PDE1C: variants seen among roughly 807,000 people sequenced by gnomAD.
The protein encoded by PDE1C is phosphodiesterase 1C.
In PDE1C, 62 loss-of-function variants were observed where a neutral mutation model predicts 93.1. That is an observed-to-expected ratio of 0.67 (90% CI 0.54 to 0.82). The LOEUF (loss-of-function observed/expected upper bound fraction) is 0.82, where lower values mean the gene tolerates loss of function less well. Among genes scored for constraint, PDE1C ranks in the 40% least tolerant of loss-of-function variants. PDE1C has a pLI of 0.00. For missense variants in PDE1C, 742 were observed against 884.6 expected, an observed-to-expected ratio of 0.84 and a Z score of 2.04; for synonymous variants, 325 against 310.1, an observed-to-expected ratio of 1.05 and a Z score of -0.50.
chr7:32,009,309 G>A (rs970150581), intron 2 of PDE1C, among the ~76,000 whole-genome samples: 1 of 152,164 alleles, frequency 6.6e-6, no homozygotes, highest in Non-Finnish European at 1.5e-5. Flanking sequence ...TGGAGTTGGG[G>A]TTCCAGGAAG....
At chr7:32,414,984 G>A (rs1269136627) in intron 1 of PDE1C, among the ~76,000 whole-genome samples, 3 of 152,136 alleles carry the variant, frequency 2.0e-5, no homozygotes, top group Non-Finnish European at 2.9e-5. Flanking sequence ...GGACACATGG[G>A]ACCTTTTTCT....
chr7:31,713,876 C>A, the PDE1C span, among the ~76,000 whole-genome samples: 1 of 152,170 alleles, frequency 6.6e-6, no homozygotes, highest in Non-Finnish European at 1.5e-5. Flanking sequence ...CTGCACACAG[C>A]AGAGGGACCC....
intron 3 of PDE1C, among the ~76,000 whole-genome samples, chr7:32,158,612 G>C (rs533256984): frequency 6.6e-6 from 1 of 152,084 alleles, no homozygotes; most frequent in Non-Finnish European, 1.5e-5. Context: ...TCCAGGCACC[G>C]CAGAACACCC....
the PDE1C span, among the ~76,000 whole-genome samples, chr7:31,728,929 C>T: frequency 2.6e-5 from 4 of 152,118 alleles, no homozygotes; most frequent in Non-Finnish European, 5.9e-5. Flanking sequence ...TATTCTGCAC[C>T]CAATGGGGCT....
the PDE1C span, among the ~76,000 whole-genome samples, chr7:31,617,158 C>A: frequency 0.43 from 64,818 of 151,938 alleles, 14,069 homozygotes; most frequent in East Asian, 0.54. Context: ...AAGCATTTGC[C>A]ATCTTTCAGG....
chr7:32,024,839 A>G (rs944472834), intron 2 of PDE1C, among the ~76,000 whole-genome samples: 1 of 152,100 alleles, frequency 6.6e-6, no homozygotes, highest in Non-Finnish European at 1.5e-5. Context: ...TCTCCTTCCC[A>G]AGGCAACTGC....
At chr7:31,792,670 A>G (rs1784719110) in intron 16 of PDE1C, among the ~76,000 whole-genome samples, 1 of 151,766 alleles carries the variant, frequency 6.6e-6, no homozygotes, top group Non-Finnish European at 1.5e-5. Context: ...TCCTCTTTTC[A>G]CTCCACATCC....
At chr7:32,159,673 A>C (rs571891899) in intron 3 of PDE1C, among the ~76,000 whole-genome samples, 56 of 152,262 alleles carry the variant, frequency 3.7e-4, no homozygotes, top group African/African-American at 1.3e-3. Context: ...AGAAAGGCAG[A>C]GGTGCAGCTT....
Position 32,125,063 on chromosome 7 carries a change from G to C in PDE1C, c.308+44722C>G, listed in dbSNP as rs145689846. 5.9e-3 allele frequency among the ~76,000 whole-genome samples: 905 copies of C among 152,194 alleles called. 8 individuals carry two copies. The highest frequency in any genetic ancestry group is 0.014 in the Middle Eastern group (4 of 294). On this transcript the variant is annotated intron_variant, in intron 3 of 18. Transcript: ENST00000396193. ...CCATCAAAAAGTGGGCAAATGATAT[G>C]AACAGACACTTTGCAAAAGAAGACA...
At chr7:31,850,842 G>T (rs1230108645) in intron 7 of PDE1C, 101 bp from the exon 8 acceptor site, 4 of 817,148 alleles carry the variant, frequency 4.9e-6, no homozygotes, top group Non-Finnish European at 8.5e-6. Flanking sequence ...CCCTGCAGCT[G>T]GTAAGCTATT....
At chr7:32,010,672 G>A (rs1786958890) in intron 2 of PDE1C, among the ~76,000 whole-genome samples, 1 of 152,202 alleles carries the variant, frequency 6.6e-6, no homozygotes, top group South Asian at 2.1e-4. Flanking sequence ...GAGGCTAGAA[G>A]TCCAAAATCA....
chr7:32,167,804 C>T (rs189098481), intron 3 of PDE1C, among the ~76,000 whole-genome samples: 44 of 152,276 alleles, frequency 2.9e-4, no homozygotes, highest in African/African-American at 1.0e-3. Flanking sequence ...TCAAAGCTAT[C>T]ATTAACCCTT....
chr7:31,724,209 TATGGTGCAAAATGGAAGGAGGTGCCC>T, the PDE1C span, among the ~76,000 whole-genome samples: 1 of 152,166 alleles, frequency 6.6e-6, no homozygotes, highest in Non-Finnish European at 1.5e-5. Context: ...GTGAGGTGTC[TATGGTGCAAAATGGAAGGAGGTGCCC>T]ATGCTTAGGG....
rs182349977 is a variant in PDE1C at position 32,189,810 on chromosome 7, T to C, written c.136+19679A>G. 2.8e-4 allele frequency among the ~76,000 whole-genome samples: 43 copies of C among 152,340 alleles called. 1 individual carries two copies. In the South Asian group the frequency reaches 4.8e-3, roughly 17 times the overall value. ...GATCACAGAAAATATTTTTTTCTACTTTTTGCCCAAACTAGCCTTTGCTGA... is the reference window on the plus strand; with the variant it reads ...GATCACAGAAAATATTTTTTTCTACCTTTTGCCCAAACTAGCCTTTGCTGA... On this transcript the variant is annotated intron_variant, in intron 2 of 18. Coordinates refer to the PDE1C transcript ENST00000396193.
At chr7:31,807,350 A>T (rs1191583263) in intron 16 of PDE1C, among the ~76,000 whole-genome samples, 1 of 151,906 alleles carries the variant, frequency 6.6e-6, no homozygotes, top group African/African-American at 2.4e-5. Context: ...TTAAACAATC[A>T]AACTTTACAC....
chr7:31,871,997 G>A (rs1159453741), intron 6 of PDE1C, among the ~76,000 whole-genome samples: 1 of 151,964 alleles, frequency 6.6e-6, no homozygotes, highest in Admixed American at 6.6e-5. Flanking sequence ...GTGGATGAAT[G>A]GATAAGGAAA....
chr7:31,977,495 C>G (rs537488942), intron 2 of PDE1C, among the ~76,000 whole-genome samples: 1 of 152,278 alleles, frequency 6.6e-6, no homozygotes, highest in Admixed American at 6.5e-5. Context: ...TCTTTTCCAT[C>G]TCAGCACCTT....
intron 2 of PDE1C, among the ~76,000 whole-genome samples, chr7:31,920,819 T>C (rs1802529218): frequency 6.6e-6 from 1 of 152,224 alleles, no homozygotes; most frequent in African/African-American, 2.4e-5. Context: ...GACTATTTTC[T>C]GATTCCAGCT....
At chr7:31,891,577 C>A (rs189867136) in intron 2 of PDE1C, among the ~76,000 whole-genome samples, 50 of 152,108 alleles carry the variant, frequency 3.3e-4, no homozygotes, top group Admixed American at 2.7e-3. Flanking sequence ...GTGAAGAAAG[C>A]CAATCCCAAA....
Sources: allele counts gnomAD v4.1 joint callset (sites outside exome capture counted in the v4.1 genomes callset), GRCh38; gene constraint gnomAD v4.1.1; transcripts MANE v1.5; gene names NCBI Gene and HGNC (gene_info 2026-07-23, HGNC 2026-07-21).